Variants in CEP350 observed in about 807,000 individuals in gnomAD.
CEP350 encodes centrosomal protein 350, also known as centrosome-associated protein 350.
Under a neutral mutation model 331.8 loss-of-function variants are expected in CEP350, and 126 were observed. The ratio of observed to expected loss-of-function variants is 0.38; its 90% CI spans 0.33 to 0.44. The LOEUF (loss-of-function observed/expected upper bound fraction) is 0.44, where lower values mean the gene tolerates loss of function less well. Among genes scored for constraint, CEP350 ranks in the 20% least tolerant of loss-of-function variants. CEP350 has a pLI of 1.00. For missense variants in CEP350, 3,406 were observed against 3,634.6 expected, an observed-to-expected ratio of 0.94 and a Z score of 1.62; for synonymous variants, 1,200 against 1,259.5, an observed-to-expected ratio of 0.95 and a Z score of 1.00.
intron 32 of CEP350, among the ~76,000 whole-genome samples, chr1:180,088,905 T>G (rs1660012480): frequency 6.6e-6 from 1 of 152,198 alleles, no homozygotes; most frequent in African/African-American, 2.4e-5. Flanking sequence ...AGAAAAAAGT[T>G]TAAATCATAT....
At chr1:180,050,684 AAAAAAAC>A (rs1480950468) in intron 22 of CEP350, among the ~76,000 whole-genome samples, 2 of 151,630 alleles carry the variant, frequency 1.3e-5, no homozygotes, top group African/African-American at 4.8e-5. Flanking sequence ...AAAAAAAAAA[AAAAAAAC>A]AAAAAAACCT....
At chr1:180,050,685 A>C (rs991634983) in intron 22 of CEP350, among the ~76,000 whole-genome samples, 10 of 151,648 alleles carry the variant, frequency 6.6e-5, no homozygotes, top group African/African-American at 1.7e-4. Flanking sequence ...AAAAAAAAAA[A>C]AAAAACAAAA....
At position 180,078,609 on chromosome 1, in the gene CEP350, A is replaced by G. The variant is rs1393459123; in HGVS notation, c.5914A>G (p.Ser1972Gly). 4 of 1,613,066 alleles carry G rather than the reference A, an allele frequency of 2.5e-6. No individual in the cohort carries two copies. The highest frequency in any genetic ancestry group is 4.5e-5 in the East Asian group (2 of 44,870). The part of the protein sequence containing the change: ...GQEQPGSPDH[S>G]ILTEEMICSQ... Reference sequence around the variant, plus strand: ...GGAGCAGCCAGGGAGTCCAGATCACAGTATACTTACTGAAGAAATGATTTG... The same window carrying G: ...GGAGCAGCCAGGGAGTCCAGATCACGGTATACTTACTGAAGAAATGATTTG... Residue 1972 changes from serine to glycine, a missense_variant, in exon 29 of 38, where the codon AGT becomes GGT. Transcript: ENST00000367607.
At chr1:180,062,591 G>A (rs1571942307) in intron 26 of CEP350, among the ~76,000 whole-genome samples, 1 of 152,254 alleles carries the variant, frequency 6.6e-6, no homozygotes, top group East Asian at 1.9e-4. Context: ...AACAGTTCTG[G>A]AAGGTGAGAA....
intron 25 of CEP350, among the ~76,000 whole-genome samples, chr1:180,055,700 C>T (rs954105320): frequency 1.3e-5 from 2 of 151,798 alleles, no homozygotes; most frequent in African/African-American, 2.4e-5. Context: ...CCCCCACCAC[C>T]GCGCCTGGCT....
chr1:180,087,857 T>A, intron 32 of CEP350, 140 bp downstream of exon 32: 1 of 938,170 alleles, frequency 1.1e-6, no homozygotes, highest in Non-Finnish European at 1.4e-6. Flanking sequence ...GTCAGTAAAT[T>A]AAAATTGTTA....
chr1:180,095,377 TTAG>T (rs1312196204), intron 34 of CEP350, 143 bp from the exon 35 acceptor site: 8 of 911,708 alleles, frequency 8.8e-6, no homozygotes, highest in Non-Finnish European at 1.2e-5. Flanking sequence ...AGATTGTTTA[TTAG>T]TAGCCACCAT....
intron 17 of CEP350, among the ~76,000 whole-genome samples, chr1:180,040,902 C>T (rs912731744): frequency 2.6e-5 from 4 of 152,000 alleles, no homozygotes; most frequent in Non-Finnish European, 4.4e-5. Context: ...AATTCTTAGT[C>T]CTGTATGCCC....
chr1:180,073,924 T>C, intron 27 of CEP350: 1 of 1,304,466 alleles, frequency 7.7e-7, no homozygotes, highest in Non-Finnish European at 1.0e-6. Flanking sequence ...TTTGCACCTT[T>C]TTCAGTGCAC....
chr1:180,071,482 A>G (rs1468440943), intron 27 of CEP350, among the ~76,000 whole-genome samples: 1 of 147,998 alleles, frequency 6.8e-6, no homozygotes, highest in East Asian at 2.0e-4. Context: ...AAAAAAATTT[A>G]AAAAGTGAAT....
In CEP350 at chr1:180,112,761, C is replaced by T. The variant is rs547834480; in HGVS notation, c.*1600C>T. 2 of 152,706 alleles carry T rather than the reference C, an allele frequency of 1.3e-5. No individual in the cohort carries two copies. The highest frequency in any genetic ancestry group is 4.8e-5 in the African/African-American group (2 of 41,550). The allele number at this position is 152,706 out of a possible 1,614,324, so 9.5% of individuals were successfully genotyped here. ...AGATGGTATAATCTTTAAGTGTGCA[C>T]GTTCGTTTATTTCTGCATCTTCCCT... is the stretch of plus-strand genomic sequence containing the variant. On this transcript the variant is annotated 3_prime_UTR_variant, in exon 38 of 38. Transcript: ENST00000367607.
At chr1:179,993,428 G>T (rs1653235546) in intron 5 of CEP350, among the ~76,000 whole-genome samples, 1 of 151,934 alleles carries the variant, frequency 6.6e-6, no homozygotes, top group Non-Finnish European at 1.5e-5. Flanking sequence ...GTAAATTATG[G>T]TTTTTTGTTT....
intron 1 of CEP350, chr1:179,969,495 C>A: frequency 2.1e-6 from 1 of 468,496 alleles, no homozygotes; most frequent in Admixed American, 2.3e-5. Context: ...TAGGAATAAG[C>A]ACTGAATTGG....
intron 6 of CEP350, chr1:180,000,567 A>G (rs1179992015): frequency 1.2e-5 from 2 of 160,074 alleles, no homozygotes; most frequent in Middle Eastern, 2.8e-3. Flanking sequence ...TTTTCATTGC[A>G]TAATCCAAGG....
Position 180,092,629 on chromosome 1 carries a change from G to A in CEP350, c.6524G>A (p.Gly2175Asp), listed in dbSNP as rs753746595. Reference protein sequence around the residue: ...IAEHVDASLSGSERSVSERSL... With the variant: ...IAEHVDASLSDSERSVSERSL... ...TTTCTTTAAGATGCTTCACTGTCTG[G>A]TTCTGAGAGATCAGTATCAGAAAGG... The change falls in exon 34 of 38, where the codon GGT becomes GAT. Residue 2175 changes from glycine (G) to aspartate (D), a missense_variant. Coordinates refer to ENST00000367607, the MANE Select transcript of CEP350 (RefSeq NM_014810.5). The A allele has an allele frequency of 1.4e-5, 22 of 1,583,230 alleles. No individual in the cohort carries two copies. Among genetic ancestry groups the A allele is most frequent in the South Asian group, 5.8e-5 (5 of 86,170 alleles).
chr1:179,981,323 A>G (rs1235168346), intron 1 of CEP350, among the ~76,000 whole-genome samples: 1 of 152,206 alleles, frequency 6.6e-6, no homozygotes, highest in Non-Finnish European at 1.5e-5. Context: ...TTGTCATGAT[A>G]TCTCTAAAAC....
Position 180,019,984 on chromosome 1 carries a change from A to G in CEP350, c.2210A>G (p.Glu737Gly), listed in dbSNP as rs760405518. 1 of 1,611,946 alleles carries G rather than the reference A, an allele frequency of 6.2e-7. No individual in the cohort carries two copies. The highest frequency in any genetic ancestry group is 8.5e-7 in the Non-Finnish European group (1 of 1,179,004). Reference sequence around the variant, plus strand: ...ATGGAATCTACATGGATGCAGCCTGAAAGATTGAGCCCACAAGTTCACCAT... The same window carrying G: ...ATGGAATCTACATGGATGCAGCCTGGAAGATTGAGCCCACAAGTTCACCAT... ...DLMESTWMQP[E>G]RLSPQVHHSQ... is the part of the protein sequence containing the mutation. Residue 737 changes from glutamate to glycine, a missense_variant, in exon 12 of 38, where the codon GAA becomes GGA. Glu to Gly is a moderately conservative substitution (Grantham distance 98). Transcript: ENST00000367607.
At chr1:180,005,224 C>T (rs139507316) in intron 7 of CEP350, among the ~76,000 whole-genome samples, 15 of 152,068 alleles carry the variant, frequency 9.9e-5, no homozygotes, top group African/African-American at 3.6e-4. Context: ...CTGCTACTTC[C>T]ATGTCTCCCT....
Position 179,996,925 on chromosome 1 carries a change from C to T in CEP350, c.768C>T (p.Asp256=). Residue 256 remains aspartate (D), a synonymous_variant, in exon 6 of 38, where the codon GAC becomes GAT. Coordinates refer to ENST00000367607, the MANE Select transcript of CEP350 (RefSeq NM_014810.5). The part of the protein sequence containing the change: ...DTDPKALRLT[D]SSPSSTSTSN... Reference sequence around the variant, plus strand: ...ATCCAAAAGCGTTACGACTAACTGACTCTTCTCCATCCTCTACTAGTACTT... The same window carrying T: ...ATCCAAAAGCGTTACGACTAACTGATTCTTCTCCATCCTCTACTAGTACTT... 6.2e-7 allele frequency: 1 copy of T among 1,614,028 alleles called. No individual in the cohort carries two copies. Among genetic ancestry groups the T allele is most frequent in the South Asian group, 1.1e-5 (1 of 91,082 alleles).
Sources: allele counts gnomAD v4.1 joint callset (sites outside exome capture counted in the v4.1 genomes callset), GRCh38; gene constraint gnomAD v4.1.1; transcripts MANE v1.5; gene names NCBI Gene and HGNC (gene_info 2026-07-23, HGNC 2026-07-21).